TLL2: variants seen among roughly 807,000 people sequenced by gnomAD.
TLL2 encodes tolloid-like protein 2.
TLL2 carries 106 observed loss-of-function variants against 123.0 expected under a neutral mutation model. That is an observed-to-expected ratio of 0.86 (90% CI 0.74 to 1.01). The LOEUF is 1.01. Among genes scored for constraint, TLL2 ranks in the 50% least tolerant of loss-of-function variants. TLL2 has a pLI of 0.00. For synonymous variants in TLL2, 494 were observed against 516.8 expected (o/e 0.96, Z 0.60); for missense variants, 1,332 against 1,336.7 (o/e 1.00, Z 0.06).
rs946832156 is a variant in TLL2, at chr10:96,405,145, G to A, written c.1267+87C>T. 42 of 1,230,864 alleles carry A rather than the reference G, an allele frequency of 3.4e-5. No individual in the cohort carries two copies. In the Admixed American group the frequency reaches 3.9e-4, roughly 11 times the overall value. 76.2% of individuals were successfully genotyped at this position (1,230,864 alleles called of 1,614,324 possible). ...AGGCCCTTGAGAGTTTCCTGTGACCGCTGTCAAGGTGGACCTTCCAGACAT... is the reference window on the plus strand; with the variant it reads ...AGGCCCTTGAGAGTTTCCTGTGACCACTGTCAAGGTGGACCTTCCAGACAT... On this transcript the variant is annotated intron_variant, in intron 10 of 20. Coordinates refer to ENST00000357947, the MANE Select transcript of TLL2 (RefSeq NM_012465.4).
chr10:96,382,866 C>T (rs533604932), intron 16 of TLL2, among the ~76,000 whole-genome samples: 27 of 152,194 alleles, frequency 1.8e-4, no homozygotes, highest in African/African-American at 5.1e-4. Context: ...AGGAATAAGA[C>T]GAAGCCAGAC....
chr10:96,456,179 A>T (rs1166106873), intron 2 of TLL2, among the ~76,000 whole-genome samples: 1 of 152,230 alleles, frequency 6.6e-6, no homozygotes, highest in Non-Finnish European at 1.5e-5. Flanking sequence ...TTATAATACA[A>T]GGCTAGGTAT....
At chr10:96,398,893 A>G (rs1311430654) in intron 10 of TLL2, among the ~76,000 whole-genome samples, 1 of 117,566 alleles carries the variant, frequency 8.5e-6, no homozygotes, top group Non-Finnish European at 1.7e-5. Context: ...TTTTTTTGAG[A>G]CAGAGTCTTG....
chr10:96,455,350 G>A (rs2092814442), intron 2 of TLL2, among the ~76,000 whole-genome samples: 1 of 152,224 alleles, frequency 6.6e-6, no homozygotes, highest in African/African-American at 2.4e-5. Context: ...GATTGGCCAA[G>A]ATACACTGGG....
intron 1 of TLL2, 137 bp from the exon 2 acceptor site, chr10:96,480,596 G>A (rs1276219290): frequency 2.9e-6 from 2 of 692,316 alleles, no homozygotes; most frequent in African/African-American, 1.7e-5. Flanking sequence ...TTCTCCTTGA[G>A]CCTAAGAGAT....
At chr10:96,404,272 C>T (rs1388372350) in intron 10 of TLL2, among the ~76,000 whole-genome samples, 2 of 146,634 alleles carry the variant, frequency 1.4e-5, no homozygotes, top group African/African-American at 5.1e-5. Context: ...CCCTTCATCT[C>T]TGGGGTGAAC....
rs549671465 is a variant in TLL2 at position 96,396,227 on chromosome 10, A to G, written c.1385-207T>C. On this transcript the variant is annotated intron_variant, in intron 11 of 20. Transcript: ENST00000357947. The stretch of plus-strand genomic sequence containing the variant: ...ACTCTGAATTTTTTTCATATAAAGA[A>G]AAAACCACATAAAGCAGTGGTTCTC... Among the ~76,000 whole-genome samples, 252 of 152,368 alleles carry G rather than the reference A, an allele frequency of 1.7e-3. 10 individuals carry two copies. The South Asian group carries it at 0.046, about 28-fold the overall frequency.
chr10:96,503,131 C>A (rs1291623611), intron 1 of TLL2, among the ~76,000 whole-genome samples: 1 of 152,082 alleles, frequency 6.6e-6, no homozygotes, highest in African/African-American at 2.4e-5. Context: ...TGGGTGAGAG[C>A]AAGTGAGCTG....
chr10:96,410,558 CAT>C, intron 8 of TLL2, 84 bp from the exon 9 acceptor site: 2 of 1,070,650 alleles, frequency 1.9e-6, no homozygotes, highest in Non-Finnish European at 2.9e-6. Flanking sequence ...GCGGAGCAAA[CAT>C]ACCCCTTTGC....
At chr10:96,491,495 T>C (rs771660542) in intron 1 of TLL2, among the ~76,000 whole-genome samples, 70 of 152,272 alleles carry the variant, frequency 4.6e-4, no homozygotes, top group Non-Finnish European at 7.4e-4. Context: ...ACTGAGGGAC[T>C]CATCACCAGG....
chr10:96,482,775 T>C (rs899104074), intron 1 of TLL2, among the ~76,000 whole-genome samples: 4 of 152,180 alleles, frequency 2.6e-5, no homozygotes, highest in African/African-American at 7.2e-5. Flanking sequence ...TTTACTAAAA[T>C]CGCATGTACA....
intron 13 of TLL2, among the ~76,000 whole-genome samples, chr10:96,388,193 C>A (rs898301019): frequency 6.6e-6 from 1 of 152,060 alleles, no homozygotes; most frequent in Non-Finnish European, 1.5e-5. Context: ...CACAAGGTCA[C>A]AAGTTTGAGA....
At chr10:96,483,810 C>T (rs1847334147) in intron 1 of TLL2, among the ~76,000 whole-genome samples, 1 of 152,132 alleles carries the variant, frequency 6.6e-6, no homozygotes, top group Non-Finnish European at 1.5e-5. Flanking sequence ...ACTTCCCCCT[C>T]TCTCAGATGT....
intron 2 of TLL2, among the ~76,000 whole-genome samples, chr10:96,447,991 A>G (rs749342107): frequency 7.2e-5 from 11 of 151,974 alleles, no homozygotes; most frequent in Non-Finnish European, 1.2e-4. Flanking sequence ...CACGAACCCA[A>G]CCCCTAGGCC....
chr10:96,448,544 C>T (rs1846922980), intron 2 of TLL2, among the ~76,000 whole-genome samples: 1 of 152,146 alleles, frequency 6.6e-6, no homozygotes, highest in African/African-American at 2.4e-5. Flanking sequence ...CTATCCAACA[C>T]CTGCTACAGG....
chr10:96,446,505 C>A (rs1449855040), intron 2 of TLL2, among the ~76,000 whole-genome samples: 1 of 67,762 alleles, frequency 1.5e-5, no homozygotes, highest in Non-Finnish European at 3.0e-5. Context: ...CCCCCACCTC[C>A]ATAAGAAAGG....
intron 9 of TLL2, among the ~76,000 whole-genome samples, chr10:96,408,691 G>C (rs1198796309): frequency 6.6e-6 from 1 of 152,216 alleles, no homozygotes; most frequent in East Asian, 1.9e-4. Context: ...TAGAGCCAAA[G>C]GAAGGATGTA....
At chr10:96,487,277 C>T (rs1847366162) in intron 1 of TLL2, among the ~76,000 whole-genome samples, 1 of 152,124 alleles carries the variant, frequency 6.6e-6, no homozygotes, top group Non-Finnish European at 1.5e-5. Flanking sequence ...AAGAGTGGTA[C>T]CTCTCCAACC....
intron 7 of TLL2, among the ~76,000 whole-genome samples, 187 bp from the exon 8 acceptor site, chr10:96,413,503 A>G (rs1386461165): frequency 1.3e-5 from 2 of 151,934 alleles, no homozygotes; most frequent in African/African-American, 4.8e-5. Flanking sequence ...ATTCCATCTC[A>G]TCAGCTGCCT....
Sources: gnomAD v4.1 joint callset for allele counts (sites outside exome capture counted in the v4.1 genomes callset) on GRCh38, gnomAD v4.1.1 for gene constraint, MANE v1.5 for transcripts, NCBI Gene and HGNC (gene_info 2026-07-23, HGNC 2026-07-21) for gene names.